PDE1C: variants seen among roughly 807,000 people sequenced by gnomAD.
PDE1C encodes phosphodiesterase 1C.
A neutral mutation model predicts 93.1 loss-of-function variants in PDE1C; 62 were observed. That is an observed-to-expected ratio of 0.67 (90% confidence interval 0.54 to 0.82). The LOEUF (loss-of-function observed/expected upper bound fraction) is 0.82, where lower values mean the gene tolerates loss of function less well. Among genes scored for constraint, PDE1C ranks in the 40% least tolerant of loss-of-function variants. The pLI, the probability that PDE1C is intolerant of heterozygous loss-of-function variation, is 0.00. For missense variants in PDE1C, 742 were observed against 884.6 expected (o/e 0.84, Z 2.04); for synonymous variants, 325 against 310.1 (o/e 1.05, Z -0.50).
intron 17 of PDE1C, among the ~76,000 whole-genome samples, chr7:31,759,883 C>G (rs888863918): frequency 7.2e-5 from 11 of 152,096 alleles, no homozygotes; most frequent in Non-Finnish European, 1.5e-5. Context: ...CTCTGTCTCT[C>G]TCTCTCCATT....
intron 1 of PDE1C, among the ~76,000 whole-genome samples, chr7:32,413,084 CA>C (rs1785205201): frequency 6.6e-6 from 1 of 152,102 alleles, no homozygotes; most frequent in African/African-American, 2.4e-5. Context: ...TTAAGATTTT[CA>C]CATTTTATTG....
intron 1 of PDE1C, among the ~76,000 whole-genome samples, chr7:32,382,987 A>G (rs538232465): frequency 6.6e-6 from 1 of 152,344 alleles, no homozygotes; most frequent in East Asian, 1.9e-4. Flanking sequence ...ACATTCAAAT[A>G]CATACACACA....
At chr7:31,680,933 A>G in the PDE1C span, among the ~76,000 whole-genome samples, 2 of 152,314 alleles carry the variant, frequency 1.3e-5, no homozygotes, top group African/African-American at 4.8e-5. Context: ...AAGCTCTGAT[A>G]CCTGGTCCTG....
At chr7:32,209,556 G>T (rs754437625) in intron 1 of PDE1C, 15 of 1,548,160 alleles carry the variant, frequency 9.7e-6, no homozygotes, top group Middle Eastern at 3.4e-4. Flanking sequence ...AAAAAAAAGA[G>T]GATGCAATTT....
Position 32,098,328 on chromosome 7 carries a change from A to G in PDE1C, c.308+71457T>C, listed in dbSNP as rs1797874548. Among the ~76,000 whole-genome samples the G allele has an allele frequency of 2.0e-5, 3 of 151,864 alleles. No individual in the cohort carries two copies. In the South Asian group the frequency reaches 6.2e-4, roughly 32 times the overall value. On this transcript the variant is annotated intron_variant, in intron 3 of 18. Coordinates refer to the PDE1C transcript ENST00000396193. ...CTCCATTTTATAGATGAAGTTCCCAAAAGTTAAGTGATTTGCCCAAGGTTA... is the reference window on the plus strand; with the variant it reads ...CTCCATTTTATAGATGAAGTTCCCAGAAGTTAAGTGATTTGCCCAAGGTTA...
the PDE1C span, among the ~76,000 whole-genome samples, chr7:31,628,747 C>T: frequency 1.3e-5 from 2 of 152,110 alleles, no homozygotes; most frequent in Non-Finnish European, 2.9e-5. Context: ...TGAGCCACCG[C>T]GCCCGGCCTG....
intron 1 of PDE1C, among the ~76,000 whole-genome samples, chr7:32,390,477 G>A (rs1406712472): frequency 6.9e-6 from 1 of 144,316 alleles, no homozygotes; most frequent in Admixed American, 7.2e-5. Flanking sequence ...CAACAGCAAA[G>A]AATGATCTGG....
chr7:32,185,134 AAAC>A (rs748366170), intron 2 of PDE1C, among the ~76,000 whole-genome samples: 2 of 151,716 alleles, frequency 1.3e-5, no homozygotes, highest in East Asian at 3.9e-4. Flanking sequence ...AGAAAAAAAA[AAAC>A]AACTTCTTAA....
intron 2 of PDE1C, among the ~76,000 whole-genome samples, chr7:32,023,548 C>T (rs1788988092): frequency 6.6e-6 from 1 of 151,650 alleles, no homozygotes; most frequent in Non-Finnish European, 1.5e-5. Context: ...GGGCATGAAT[C>T]GTAAGACAAA....
intron 9 of PDE1C, among the ~76,000 whole-genome samples, chr7:31,840,850 C>G (rs1421594413): frequency 1.3e-5 from 2 of 151,984 alleles, no homozygotes; most frequent in African/African-American, 4.8e-5. Flanking sequence ...AAATATGAGT[C>G]CTCTAACCTT....
At chr7:31,831,589 C>T (rs969844257) in intron 11 of PDE1C, among the ~76,000 whole-genome samples, 1 of 152,068 alleles carries the variant, frequency 6.6e-6, no homozygotes, top group Admixed American at 6.6e-5. Context: ...TAGAATACTA[C>T]TGCTCTGATT....
intron 1 of PDE1C, among the ~76,000 whole-genome samples, chr7:32,272,039 G>A (rs1392829101): frequency 2.6e-5 from 4 of 152,228 alleles, no homozygotes; most frequent in Admixed American, 6.5e-5. Flanking sequence ...CTCAGCCTTG[G>A]AAGGACGTTG....
chr7:31,683,921 G>A, the PDE1C span, among the ~76,000 whole-genome samples: 1 of 152,152 alleles, frequency 6.6e-6, no homozygotes, highest in Non-Finnish European at 1.5e-5. Flanking sequence ...CAGGAATGAA[G>A]GCACAAGTGA....
the PDE1C span, chr7:31,707,168 A>G: frequency 1.3e-6 from 2 of 1,578,206 alleles, no homozygotes; most frequent in Non-Finnish European, 1.7e-6. Flanking sequence ...TTTTAATTAG[A>G]GGTACTTAAT....
chr7:32,214,214 CAT>C (rs940295625), intron 1 of PDE1C, among the ~76,000 whole-genome samples: 1 of 147,596 alleles, frequency 6.8e-6, no homozygotes, highest in African/African-American at 2.5e-5. Context: ...ATGTAAAAAA[CAT>C]GTATATATAT....
chr7:32,275,966 G>A (rs1300284357), intron 1 of PDE1C, among the ~76,000 whole-genome samples: 1 of 152,172 alleles, frequency 6.6e-6, no homozygotes, highest in Non-Finnish European at 1.5e-5. Context: ...CCAGCTTATC[G>A]AGTTGGCATA....
chr7:32,204,930 A>G (rs1047206658), intron 2 of PDE1C, among the ~76,000 whole-genome samples: 3 of 152,180 alleles, frequency 2.0e-5, no homozygotes, highest in African/African-American at 7.2e-5. Context: ...AAGACAAACC[A>G]ACTCATCTGT....
chr7:32,101,798 G>C (rs1199415801), intron 3 of PDE1C, among the ~76,000 whole-genome samples: 2 of 152,200 alleles, frequency 1.3e-5, no homozygotes, highest in African/African-American at 4.8e-5. Context: ...GTACAAAGTA[G>C]TGGGGCATTT....
chr7:32,285,880 G>C lies in PDE1C; in HGVS notation c.85+12771C>G, dbSNP rs879515103. ...AGAGTGGAAAAAACTAAGTCCAAGCGTTTGCCAACCCCTCCCCCTGCATTA... is the reference window on the plus strand; with the variant it reads ...AGAGTGGAAAAAACTAAGTCCAAGCCTTTGCCAACCCCTCCCCCTGCATTA... On this transcript the variant is annotated intron_variant, in intron 1 of 18. Coordinates refer to the PDE1C transcript ENST00000396193. 1.3e-4 allele frequency among the ~76,000 whole-genome samples: 19 copies of C among 151,950 alleles called. 1 individual carries two copies. Among genetic ancestry groups the C allele is most frequent in the African/African-American group, 3.9e-4 (16 of 41,350 alleles).
Sources: gnomAD v4.1 joint callset for allele counts (sites outside exome capture counted in the v4.1 genomes callset) on GRCh38, gnomAD v4.1.1 for gene constraint, MANE v1.5 for transcripts, NCBI Gene and HGNC (gene_info 2026-07-23, HGNC 2026-07-21) for gene names.